Variants in ANKRD55 observed in about 807,000 individuals in gnomAD.
ANKRD55 encodes ankyrin repeat domain-containing protein 55.
Under a neutral mutation model 60.6 loss-of-function variants are expected in ANKRD55, and 41 were observed. The observed-to-expected ratio is 0.68, with a 90% CI of 0.53 to 0.88. The LOEUF (loss-of-function observed/expected upper bound fraction) is 0.88, where lower values mean the gene tolerates loss of function less well. Among genes scored for constraint, ANKRD55 ranks in the 40% least tolerant of loss-of-function variants. The probability of loss-of-function intolerance (pLI) is 0.00; values close to 1 mark genes in which losing one functional copy is unlikely to be tolerated. For synonymous variants in ANKRD55, 264 were observed against 290.3 expected (o/e 0.91, Z 0.92); for missense variants, 732 against 767.6 (o/e 0.95, Z 0.55).
intron 7 of ANKRD55, among the ~76,000 whole-genome samples, chr5:56,135,664 C>T (rs556121549): frequency 7.2e-5 from 11 of 152,090 alleles, no homozygotes; most frequent in African/African-American, 9.7e-5. Flanking sequence ...CCACTGTACC[C>T]GGTTCCACCA....
At chr5:56,211,516 T>C (rs1316953876) in intron 2 of ANKRD55, among the ~76,000 whole-genome samples, 1 of 152,182 alleles carries the variant, frequency 6.6e-6, no homozygotes, top group Non-Finnish European at 1.5e-5. Flanking sequence ...CAGGTGGCAA[T>C]TGGTAAAACC....
At chr5:56,111,999 G>A (rs1269299153) in intron 9 of ANKRD55, among the ~76,000 whole-genome samples, 1 of 152,204 alleles carries the variant, frequency 6.6e-6, no homozygotes, top group Non-Finnish European at 1.5e-5. Context: ...GGCAGTCTTT[G>A]CCCAAGGAGG....
intron 2 of ANKRD55, among the ~76,000 whole-genome samples, chr5:56,188,904 A>G (rs1375164858): frequency 1.3e-5 from 2 of 152,190 alleles, no homozygotes; most frequent in African/African-American, 4.8e-5. Flanking sequence ...ACAGCGTTGT[A>G]ATAAATTAGT....
rs1339858560 is a variant in ANKRD55, at chr5:56,166,114, CTTTCT to C, written c.422+4575_422+4579del. Among the ~76,000 whole-genome samples the C allele has an allele frequency of 2.0e-3, 114 of 55,618 alleles. 2 individuals are homozygous for C. The highest frequency in any genetic ancestry group is 6.9e-3 in the Middle Eastern group (1 of 144). 36.5% of individuals were successfully genotyped at this position (55,618 alleles called of 152,430 possible). ...TCTTTCTTTCTTTCTTTCTTTCTTT[CTTTCT>C]TTCTTTCTTTCTTTCTTTCTTTCTT... On this transcript the variant is annotated intron_variant, in intron 5 of 11. Coordinates refer to ENST00000341048, the MANE Select transcript of ANKRD55 (RefSeq NM_024669.3).
intron 2 of ANKRD55, among the ~76,000 whole-genome samples, chr5:56,198,657 A>C (rs1759282585): frequency 6.6e-6 from 1 of 152,166 alleles, no homozygotes; most frequent in Non-Finnish European, 1.5e-5. Flanking sequence ...AACAAAAAAA[A>C]CCAAAACCCA....
At chr5:56,201,976 G>A (rs930989997) in intron 2 of ANKRD55, among the ~76,000 whole-genome samples, 2 of 152,164 alleles carry the variant, frequency 1.3e-5, no homozygotes, top group South Asian at 2.1e-4. Context: ...AAAAAAGAAC[G>A]AGGTCATGTC....
chr5:56,112,511 A>AAAAAAAAAAAAAAAACAAAAAAAAAAAC, intron 9 of ANKRD55, among the ~76,000 whole-genome samples: 22 of 81,494 alleles, frequency 2.7e-4, no homozygotes, highest in African/African-American at 9.2e-4. Flanking sequence ...TAGCAAAAAA[A>AAAAAAAAAAAAAAAACAAAAAAAAAAAC]AAAAAAAAAA....
chr5:56,130,571 A>G (rs1327647518), intron 7 of ANKRD55, among the ~76,000 whole-genome samples: 1 of 152,246 alleles, frequency 6.6e-6, no homozygotes, highest in Non-Finnish European at 1.5e-5. Flanking sequence ...TACCCACTAC[A>G]TCATGTCTGG....
rs749573028 is a variant in ANKRD55 at position 56,126,948 on chromosome 5, G to A, written c.771C>T (p.Asn257=). ...TGTCATCCACATCCAGAGCCTGCAGGTTACACTCAGGGACTCTTGCCAGCT... is the reference window on the plus strand; with the variant it reads ...TGTCATCCACATCCAGAGCCTGCAGATTACACTCAGGGACTCTTGCCAGCT... ...IHELARVPEC[N]LQALDVDDRT... is the part of the protein sequence containing the mutation. The change falls in exon 8 of 12, where the codon AAC becomes AAT. Residue 257 remains asparagine (N), a synonymous_variant. Transcript: ENST00000341048. The A allele has an allele frequency of 8.1e-6, 13 of 1,612,952 alleles. No individual in the cohort carries two copies. Among genetic ancestry groups the A allele is most frequent in the Non-Finnish European group, 1.1e-5 (13 of 1,179,366 alleles).
chr5:56,175,631 T>C (rs1391307596), intron 4 of ANKRD55, among the ~76,000 whole-genome samples: 3 of 152,136 alleles, frequency 2.0e-5, no homozygotes, highest in African/African-American at 7.2e-5. Context: ...GATTGTGGGC[T>C]GAGTCATCTG....
intron 7 of ANKRD55, among the ~76,000 whole-genome samples, chr5:56,130,127 CT>C (rs1347334483): frequency 1.3e-5 from 2 of 152,168 alleles, no homozygotes; most frequent in African/African-American, 4.8e-5. Context: ...GCCCAAAAGC[CT>C]GGGGCTGCCT....
rs1460729498 is a variant in ANKRD55 at position 56,207,967 on chromosome 5, AAAC to A, written c.59-24336_59-24334del. Among the ~76,000 whole-genome samples, 7 of 152,350 alleles carry A rather than the reference AAAC, an allele frequency of 4.6e-5. No homozygotes were observed. The East Asian group carries it at 1.2e-3, about 25-fold the overall frequency. ...TTTGGCTCTATTGTAATAACACTGA[AAAC>A]AAACACGTTGTACAGTTGAACAAAA... On this transcript the variant is annotated intron_variant, in intron 2 of 11. Transcript: ENST00000341048.
At chr5:56,117,381 G>T (rs1270449630) in intron 8 of ANKRD55, among the ~76,000 whole-genome samples, 1 of 151,990 alleles carries the variant, frequency 6.6e-6, no homozygotes, top group Non-Finnish European at 1.5e-5. Flanking sequence ...TATATTAAAG[G>T]CATTGGTCTT....
intron 2 of ANKRD55, among the ~76,000 whole-genome samples, chr5:56,227,530 G>A (rs1198875556): frequency 2.0e-5 from 3 of 151,688 alleles, no homozygotes; most frequent in South Asian, 2.1e-4. Flanking sequence ...ACATCTGTGC[G>A]TGGGAACTTT....
At chr5:56,152,840 A>G (rs564804693) in intron 6 of ANKRD55, among the ~76,000 whole-genome samples, 2 of 152,330 alleles carry the variant, frequency 1.3e-5, no homozygotes, top group African/African-American at 4.8e-5. Flanking sequence ...GGTAACAAAC[A>G]AAAACATAAT....
chr5:56,139,880 T>C (rs1476798979), intron 7 of ANKRD55, among the ~76,000 whole-genome samples: 3 of 152,060 alleles, frequency 2.0e-5, no homozygotes, highest in Non-Finnish European at 4.4e-5. Flanking sequence ...AAGACCAGCA[T>C]AGGCAACATG....
At chr5:56,186,710 C>T (rs1758983663) in intron 2 of ANKRD55, among the ~76,000 whole-genome samples, 1 of 152,126 alleles carries the variant, frequency 6.6e-6, no homozygotes, top group South Asian at 2.1e-4. Context: ...GATGATTAGA[C>T]AAAAAGTCCA....
At chr5:56,159,731 G>A in intron 6 of ANKRD55, 102 bp downstream of exon 6, 1 of 1,155,426 alleles carries the variant, frequency 8.7e-7, no homozygotes, top group Non-Finnish European at 1.3e-6. Flanking sequence ...CATGCCTCAT[G>A]TCTCCCCGTA....
At chr5:56,216,558 A>T (rs1016089619) in intron 2 of ANKRD55, among the ~76,000 whole-genome samples, 2 of 152,248 alleles carry the variant, frequency 1.3e-5, no homozygotes, top group Non-Finnish European at 2.9e-5. Flanking sequence ...TGCAAAGAAA[A>T]GTTCTTGAAG....
Sources: allele counts gnomAD v4.1 joint callset (sites outside exome capture counted in the v4.1 genomes callset), GRCh38; gene constraint gnomAD v4.1.1; transcripts MANE v1.5; gene names NCBI Gene and HGNC (gene_info 2026-07-23, HGNC 2026-07-21).